Variants in LARGE1 observed in about 807,000 individuals in gnomAD.
The protein encoded by LARGE1 is LARGE xylosyl- and glucuronyltransferase 1.
In LARGE1, 43 loss-of-function variants were observed where a neutral mutation model predicts 87.6. The ratio of observed to expected loss-of-function variants is 0.49; its 90% CI spans 0.38 to 0.63. The LOEUF (loss-of-function observed/expected upper bound fraction) is 0.63. LARGE1 is among the 30% of genes least tolerant of loss of function. The pLI, the probability that LARGE1 is intolerant of heterozygous loss-of-function variation, is 0.00. For missense variants in LARGE1, 802 were observed against 1,000.2 expected, an observed-to-expected ratio of 0.80 and a Z score of 2.67; for synonymous variants, 434 against 394.6, an observed-to-expected ratio of 1.10 and a Z score of -1.18.
chr22:33,823,303 C>A (rs1341084381), intron 1 of LARGE1, among the ~76,000 whole-genome samples: 1 of 152,192 alleles, frequency 6.6e-6, no homozygotes, highest in African/African-American at 2.4e-5. Context: ...TTCACAGCAT[C>A]ATGGTACACC....
rs944333039 is a variant in LARGE1 at position 33,564,861 on chromosome 22, G to A, written c.774C>T (p.Phe258=). The A allele has an allele frequency of 6.2e-7, 1 of 1,614,028 alleles. No individual in the cohort carries two copies. The highest frequency in any genetic ancestry group is 8.5e-7 in the Non-Finnish European group (1 of 1,180,028). Residue 258 remains phenylalanine (F), a synonymous_variant, in exon 6 of 15, where the codon TTC becomes TTT. Coordinates refer to ENST00000397394, the MANE Select transcript of LARGE1 (RefSeq NM_133642.5). ...ATDIAELWAV[F]HKFKGQQVLG... is the part of the protein sequence containing the mutation. The stretch of plus-strand genomic sequence containing the variant: ...GGCTACCATTACCTTTGAACTTGTG[G>A]AACACAGCCCACAGCTCTGCAATGT...
chr22:33,809,282 A>AAC, intron 1 of LARGE1, among the ~76,000 whole-genome samples: 1 of 151,444 alleles, frequency 6.6e-6, no homozygotes, highest in East Asian at 1.9e-4. Flanking sequence ...AAAAAAAAAA[A>AAC]ATCAGGTCCT....
intron 1 of LARGE1, among the ~76,000 whole-genome samples, chr22:33,767,883 T>C (rs2084953167): frequency 6.6e-6 from 1 of 152,250 alleles, no homozygotes; most frequent in East Asian, 1.9e-4. Flanking sequence ...TTTGGACCAC[T>C]GATTCTAACT....
chr22:33,336,629 A>G (rs1250895285), intron 10 of LARGE1, among the ~76,000 whole-genome samples: 2 of 152,164 alleles, frequency 1.3e-5, no homozygotes, highest in East Asian at 3.8e-4. Context: ...CTGACTCCCC[A>G]TGCCCTGCTT....
downstream of LARGE1, among the ~76,000 whole-genome samples, chr22:33,161,820 G>T (rs1922035931): frequency 6.6e-6 from 1 of 152,140 alleles, no homozygotes; most frequent in African/African-American, 2.4e-5. Flanking sequence ...ATTGTTGGTG[G>T]ACCAACCATT....
intron 1 of LARGE1, among the ~76,000 whole-genome samples, chr22:33,888,439 T>G (rs1305664716): frequency 6.6e-6 from 1 of 152,106 alleles, no homozygotes; most frequent in East Asian, 1.9e-4. Context: ...AACCAAGAAA[T>G]GATGTGCACG....
At chr22:33,161,184 A>ACCGTGAGAACTCACTCACTG (rs1463556290), downstream of LARGE1, among the ~76,000 whole-genome samples, 1 of 152,158 alleles carries the variant, frequency 6.6e-6, no homozygotes, top group Non-Finnish European at 1.5e-5. Flanking sequence ...CTCACTCACT[A>ACCGTGAGAACTCACTCACTG]CCATGAGAAC....
chr22:33,865,832 C>CTTTTTTTTTTTTTTTTTTTTTT lies in LARGE1; in HGVS notation c.-83+54141_-83+54162dup, dbSNP rs3072359. Among the ~76,000 whole-genome samples the CTTTTTTTTTTTTTTTTTTTTTT allele has an allele frequency of 1.1e-4, 3 of 28,390 alleles. 1 individual carries two copies. The highest frequency in any genetic ancestry group is 3.2e-4 in the African/African-American group (3 of 9,346). The allele number at this position is 28,390 out of a possible 152,430, so 18.6% of individuals were successfully genotyped here. A position where few individuals can be genotyped will look rare whatever the true frequency, so the allele number is the denominator to read the frequency against. On this transcript the variant is annotated intron_variant, in intron 1 of 14. Transcript: ENST00000397394. ...TAAGCATTCAATGTTAGCTGTTATT[C>CTTTTTTTTTTTTTTTTTTTTTT]TTTTTTTTTTTTTTTTTTTTTTTTT...
At chr22:33,256,266 G>A (rs750367186) in intron 11 of LARGE1, among the ~76,000 whole-genome samples, 50 of 152,242 alleles carry the variant, frequency 3.3e-4, no homozygotes, top group Admixed American at 2.2e-3. Flanking sequence ...TATGGGGAAT[G>A]TCTGTGTTAT....
chr22:33,548,705 A>G (rs987939840), intron 6 of LARGE1, among the ~76,000 whole-genome samples: 1 of 152,248 alleles, frequency 6.6e-6, no homozygotes, highest in Non-Finnish European at 1.5e-5. Context: ...ACGAGCCATC[A>G]TACCCGGCTC....
intron 2 of LARGE1, among the ~76,000 whole-genome samples, chr22:33,705,500 T>G (rs1483337246): frequency 6.6e-6 from 1 of 152,228 alleles, no homozygotes; most frequent in Admixed American, 6.5e-5. Flanking sequence ...AGCATGGAAC[T>G]AAGCACTTCA....
intron 1 of LARGE1, among the ~76,000 whole-genome samples, chr22:33,773,955 T>A (rs1429222277): frequency 2.0e-5 from 3 of 152,086 alleles, no homozygotes; most frequent in Non-Finnish European, 4.4e-5. Flanking sequence ...TTTGCTTTGA[T>A]AACCACAAAT....
the LARGE1 span, among the ~76,000 whole-genome samples, chr22:33,095,217 A>G: frequency 1.3e-5 from 2 of 152,244 alleles, no homozygotes; most frequent in Non-Finnish European, 2.9e-5. Flanking sequence ...TGGAGGCTAG[A>G]AGTGCTAAAA....
intron 11 of LARGE1, among the ~76,000 whole-genome samples, chr22:33,216,884 G>A (rs1013521831): frequency 6.6e-6 from 1 of 152,158 alleles, no homozygotes; most frequent in African/African-American, 2.4e-5. Context: ...GGAGCTAGAG[G>A]CAAACTCAGG....
At chr22:33,209,724 C>T (rs1924863442) in intron 11 of LARGE1, among the ~76,000 whole-genome samples, 2 of 152,204 alleles carry the variant, frequency 1.3e-5, no homozygotes, top group African/African-American at 2.4e-5. Flanking sequence ...CAGCTCACTG[C>T]AGCCTCGACC....
At chr22:33,068,696 A>G in the LARGE1 span, among the ~76,000 whole-genome samples, 1 of 151,814 alleles carries the variant, frequency 6.6e-6, no homozygotes, top group Non-Finnish European at 1.5e-5. Context: ...TCTGCAATGC[A>G]CTCCTCTGGC....
At chr22:33,161,843 G>T (rs1431166398), downstream of LARGE1, among the ~76,000 whole-genome samples, 2 of 152,060 alleles carry the variant, frequency 1.3e-5, no homozygotes, top group Non-Finnish European at 2.9e-5. Flanking sequence ...GGGGTCTAGA[G>T]GATGAGGATC....
intron 1 of LARGE1, among the ~76,000 whole-genome samples, chr22:33,911,902 A>C (rs898014318): frequency 6.6e-6 from 1 of 152,204 alleles, no homozygotes; most frequent in African/African-American, 2.4e-5. Context: ...TCACCATTTA[A>C]GTCTACTGTT....
At chr22:33,346,577 A>G (rs763500415) in intron 9 of LARGE1, among the ~76,000 whole-genome samples, 1 of 152,194 alleles carries the variant, frequency 6.6e-6, no homozygotes, top group African/African-American at 2.4e-5. Flanking sequence ...TGCTGGGATT[A>G]CAGGCATGAG....
Sources: gnomAD v4.1 joint callset for allele counts (sites outside exome capture counted in the v4.1 genomes callset) on GRCh38, gnomAD v4.1.1 for gene constraint, MANE v1.5 for transcripts, NCBI Gene and HGNC (gene_info 2026-07-23, HGNC 2026-07-21) for gene names.